ANO3: variants seen among roughly 807,000 people sequenced by gnomAD.
The protein encoded by ANO3 is anoctamin 3, also known as anoctamin-3.
In ANO3, 99 loss-of-function variants were observed where a neutral mutation model predicts 144.8. The ratio of observed to expected loss-of-function variants is 0.68; its 90% CI spans 0.58 to 0.81. The LOEUF is 0.81. Ranked by LOEUF, ANO3 falls within the 30% of genes least tolerant of loss-of-function variation. The pLI, the probability that ANO3 is intolerant of heterozygous loss-of-function variation, is 0.00. For missense variants in ANO3, 905 were observed against 1,202.2 expected (o/e 0.75, Z 3.66); for synonymous variants, 414 against 392.6 (o/e 1.05, Z -0.64).
intron 1 of ANO3, among the ~76,000 whole-genome samples, chr11:26,246,332 A>T (rs1265445651): frequency 6.6e-6 from 1 of 151,900 alleles, no homozygotes; most frequent in Admixed American, 6.6e-5. Flanking sequence ...GAGTGGTAGT[A>T]TTTTGTACTC....
At chr11:26,346,903 AC>A (rs1262368872) in intron 1 of ANO3, among the ~76,000 whole-genome samples, 3 of 152,184 alleles carry the variant, frequency 2.0e-5, no homozygotes, top group Non-Finnish European at 4.4e-5. Context: ...GGTCAAGGAG[AC>A]ACTTACAAAT....
chr11:26,572,315 C>T (rs1488887729), intron 14 of ANO3: 117 of 868,810 alleles, frequency 1.3e-4, no homozygotes, highest in Non-Finnish European at 1.6e-4. Flanking sequence ...GCCCAACCCT[C>T]CAGTTTTCAT....
intron 1 of ANO3, among the ~76,000 whole-genome samples, chr11:26,283,311 CAAATAAAT>C (rs200363076): frequency 8.3e-5 from 6 of 72,674 alleles, no homozygotes; most frequent in East Asian, 9.4e-4. Flanking sequence ...CCAAAATAAA[CAAATAAAT>C]AAATATATAT....
intron 1 of ANO3, among the ~76,000 whole-genome samples, chr11:26,210,606 T>C (rs1851912189): frequency 6.6e-6 from 1 of 152,220 alleles, no homozygotes; most frequent in South Asian, 2.1e-4. Flanking sequence ...TGGTTCTTCC[T>C]ATCCATGAGC....
chr11:26,294,444 A>C lies in ANO3; in HGVS notation c.155-15201A>C, dbSNP rs377053885. On this transcript the variant is annotated intron_variant, in intron 1 of 27. Transcript: ENST00000672621. ...AAAATAAACATTGTATATGTTTATC[A>C]TGTATTACATGTTGATTTGAAATAT... Among the ~76,000 whole-genome samples the C allele has an allele frequency of 3.1e-3, 462 of 151,414 alleles. 28 individuals are homozygous for C. The South Asian group carries it at 0.092, about 30-fold the overall frequency.
chr11:26,530,477 CT>C (rs1304984101), intron 7 of ANO3, among the ~76,000 whole-genome samples: 1 of 71,794 alleles, frequency 1.4e-5, no homozygotes, highest in Non-Finnish European at 3.4e-5. Flanking sequence ...ATCTATCTAT[CT>C]ATCTATCTAT....
chr11:26,314,334 T>G (rs965671111), intron 1 of ANO3, among the ~76,000 whole-genome samples: 1 of 152,238 alleles, frequency 6.6e-6, no homozygotes, highest in East Asian at 1.9e-4. Context: ...TTTCCCAATT[T>G]CCTCATTTAT....
At chr11:26,258,637 T>C (rs1853112974) in intron 1 of ANO3, among the ~76,000 whole-genome samples, 1 of 152,172 alleles carries the variant, frequency 6.6e-6, no homozygotes, top group Non-Finnish European at 1.5e-5. Context: ...TTATTGCATC[T>C]CTCTCGAACT....
At chr11:26,452,418 A>T (rs965425211) in intron 3 of ANO3, among the ~76,000 whole-genome samples, 5 of 152,236 alleles carry the variant, frequency 3.3e-5, no homozygotes, top group African/African-American at 9.6e-5. Context: ...AAGGCTCGAG[A>T]ACTACGTGAA....
chr11:26,553,151 T>C, intron 12 of ANO3, 98 bp from the exon 13 acceptor site: 1 of 859,164 alleles, frequency 1.2e-6, no homozygotes. Flanking sequence ...CTCTCTGCCT[T>C]GCTGGTTCCA....
chr11:26,653,455 A>G (rs35767722), intron 24 of ANO3, among the ~76,000 whole-genome samples: 14,492 of 152,120 alleles, frequency 0.095, 741 homozygotes, highest in Admixed American at 0.14. Context: ...TCAAGACACT[A>G]TCATCTCTCA....
At chr11:26,430,247 T>C (rs114834530) in intron 1 of ANO3, among the ~76,000 whole-genome samples, 24 of 145,002 alleles carry the variant, frequency 1.7e-4, no homozygotes, top group Middle Eastern at 7.3e-3. Flanking sequence ...AGCAACTGTC[T>C]AAAAAAAAAA....
At chr11:26,651,296 G>A (rs928452957) in intron 24 of ANO3, among the ~76,000 whole-genome samples, 3 of 152,126 alleles carry the variant, frequency 2.0e-5, no homozygotes, top group South Asian at 2.1e-4. Flanking sequence ...TTAAAATTCC[G>A]CATTGCAACT....
chr11:26,351,595 A>G (rs76346251), intron 1 of ANO3, among the ~76,000 whole-genome samples: 3,981 of 152,264 alleles, frequency 0.026, 161 homozygotes, highest in African/African-American at 0.09. Context: ...GAGAATTTAT[A>G]GACAGAAAAA....
At chr11:26,314,483 A>G (rs1232367533) in intron 1 of ANO3, among the ~76,000 whole-genome samples, 1 of 152,216 alleles carries the variant, frequency 6.6e-6, no homozygotes, top group Non-Finnish European at 1.5e-5. Flanking sequence ...GGGGTAATAT[A>G]CAAAATTCCT....
rs191168668 is a variant in ANO3 at position 26,322,309 on chromosome 11, T to C, written c.-3+12590T>C. 2.9e-3 allele frequency among the ~76,000 whole-genome samples: 440 copies of C among 152,272 alleles called. 6 individuals carry two copies. The highest frequency in any genetic ancestry group is 1.7e-3 in the Non-Finnish European group (113 of 67,994). On this transcript the variant is annotated intron_variant, in intron 1 of 26. Transcript: ENST00000525139. ...ATACCTCTCTCCCTGCACAATTTCC[T>C]TTATTATTAACATCTTAATATTTGT...
chr11:26,644,615 A>G (rs1385921399), intron 23 of ANO3, among the ~76,000 whole-genome samples: 1 of 152,174 alleles, frequency 6.6e-6, no homozygotes, highest in Non-Finnish European at 1.5e-5. Context: ...CCAAATATAA[A>G]AAGGATTTTT....
chr11:26,448,745 C>T lies in ANO3; in HGVS notation c.313+4909C>T, dbSNP rs372541473. Among the ~76,000 whole-genome samples, 79 of 20,414 alleles carry T rather than the reference C, an allele frequency of 3.9e-3. 1 individual carries two copies. The highest frequency in any genetic ancestry group is 4.2e-4 in the Non-Finnish European group (2 of 4,708). The allele number at this position is 20,414 out of a possible 152,430, so 13.4% of individuals were successfully genotyped here. On this transcript the variant is annotated intron_variant, in intron 3 of 26. Coordinates refer to ENST00000256737, the MANE Select transcript of ANO3 (RefSeq NM_031418.4). Reference sequence around the variant, plus strand: ...GAACATATTTTTCAGTTATGACAGTCTCACAGTCACTGTAAATCTTGTCAA... The same window carrying T: ...GAACATATTTTTCAGTTATGACAGTTTCACAGTCACTGTAAATCTTGTCAA...
chr11:26,398,356 A>G (rs924536700), intron 1 of ANO3, among the ~76,000 whole-genome samples: 1 of 152,190 alleles, frequency 6.6e-6, no homozygotes, highest in Non-Finnish European at 1.5e-5. Context: ...GGCTCCTGTG[A>G]GTATAGGTTA....
Sources: allele counts gnomAD v4.1 joint callset (sites outside exome capture counted in the v4.1 genomes callset), GRCh38; gene constraint gnomAD v4.1.1; transcripts MANE v1.5; gene names NCBI Gene and HGNC (gene_info 2026-07-23, HGNC 2026-07-21).